Variants in LOXL2 observed in about 807,000 individuals in gnomAD.
LOXL2 encodes lysyl oxidase homolog 2.
In LOXL2, 70 loss-of-function variants were observed where a neutral mutation model predicts 93.0. That is an observed-to-expected ratio of 0.75 (90% confidence interval 0.62 to 0.92). LOXL2 has a LOEUF of 0.92. LOXL2 is among the 40% of genes least tolerant of loss of function. The probability of loss-of-function intolerance (pLI) is 0.00; values close to 1 mark genes in which losing one functional copy is unlikely to be tolerated. For synonymous variants in LOXL2, 438 were observed against 413.2 expected (o/e 1.06, Z -0.73); for missense variants, 973 against 1,054.9 (o/e 0.92, Z 1.08).
chr8:23,375,852 G>A (rs191912970), intron 1 of LOXL2, among the ~76,000 whole-genome samples: 171 of 152,266 alleles, frequency 1.1e-3, no homozygotes, highest in Non-Finnish European at 1.7e-3. Context: ...AGACGATGGG[G>A]TTTTCTAAAT....
chr8:23,394,280 C>A (rs1400962807), intron 1 of LOXL2, among the ~76,000 whole-genome samples: 1 of 151,736 alleles, frequency 6.6e-6, no homozygotes, highest in East Asian at 1.9e-4. Context: ...GTAGTCCCAG[C>A]TACTCGGGAG....
At position 23,316,993 on chromosome 8, in the gene LOXL2, G is replaced by C; in HGVS notation, c.1592C>G (p.Pro531Arg). The change falls in exon 9 of 14, where the codon CCC becomes CGC. Residue 531 changes from proline to arginine, a missense_variant. Coordinates refer to ENST00000389131, the MANE Select transcript of LOXL2 (RefSeq NM_002318.3). Reference sequence around the variant, plus strand: ...GGCCCCGTACTGCACTCCGCCCTGGGGGCAGGCCACGTCCTCCCCGTCGTG... The same window carrying C: ...GGCCCCGTACTGCACTCCGCCCTGGCGGCAGGCCACGTCCTCCCCGTCGTG... The part of the protein sequence containing the change: ...CRHDGEDVAC[P>R]QGGVQYGAGV... 6.2e-7 allele frequency: 1 copy of C among 1,614,020 alleles called. No individual in the cohort carries two copies. Among genetic ancestry groups the C allele is most frequent in the Non-Finnish European group, 8.5e-7 (1 of 1,179,956 alleles).
In LOXL2 at chr8:23,297,306, G is replaced by C. The variant is rs774037149; in HGVS notation, c.*737C>G. On this transcript the variant is annotated 3_prime_UTR_variant, in exon 14 of 14. Transcript: ENST00000389131. Reference sequence around the variant, plus strand: ...AGCACCGTTGAATCAAAAACCCACAGAATTGGAACAACAGGAAGATGAGTC... The same window carrying C: ...AGCACCGTTGAATCAAAAACCCACACAATTGGAACAACAGGAAGATGAGTC... 1 of 152,242 alleles carries C rather than the reference G, an allele frequency of 6.6e-6. No individual in the cohort carries two copies. Among genetic ancestry groups the C allele is most frequent in the Non-Finnish European group, 1.5e-5 (1 of 68,058 alleles). The allele number at this position is 152,242 out of a possible 1,614,324, so 9.4% of individuals were successfully genotyped here.
chr8:23,320,310 C>T (rs1803473785), intron 7 of LOXL2, among the ~76,000 whole-genome samples: 1 of 152,224 alleles, frequency 6.6e-6, no homozygotes, highest in Non-Finnish European at 1.5e-5. Flanking sequence ...GAAGCTGACC[C>T]TGCTCCCCAT....
chr8:23,387,387 G>C (rs951219448), intron 1 of LOXL2, among the ~76,000 whole-genome samples: 1 of 152,136 alleles, frequency 6.6e-6, no homozygotes, highest in African/African-American at 2.4e-5. Flanking sequence ...ATAAACATCA[G>C]GTGGGATCAG....
At chr8:23,332,923 G>C (rs537747550) in intron 5 of LOXL2, among the ~76,000 whole-genome samples, 24 of 147,448 alleles carry the variant, frequency 1.6e-4, no homozygotes, top group African/African-American at 6.0e-4. Context: ...CCACAGAGGG[G>C]GGGTGTTTCA....
At chr8:23,362,603 G>T (rs529762008) in intron 2 of LOXL2, among the ~76,000 whole-genome samples, 6 of 152,034 alleles carry the variant, frequency 3.9e-5, no homozygotes, top group Non-Finnish European at 8.8e-5. Context: ...GCATGGTGGC[G>T]CACGCCTGTA....
intron 1 of LOXL2, among the ~76,000 whole-genome samples, chr8:23,374,521 C>T (rs1463668055): frequency 1.3e-5 from 2 of 152,190 alleles, no homozygotes; most frequent in East Asian, 3.8e-4. Context: ...TGAGGAATCG[C>T]CACACTGTCT....
In LOXL2 at chr8:23,298,882, C is replaced by T; in HGVS notation, c.2199G>A (p.Arg733=). 6.2e-7 allele frequency: 1 copy of T among 1,614,060 alleles called. No homozygotes were observed. Among genetic ancestry groups the T allele is most frequent in the South Asian group, 1.1e-5 (1 of 91,068 alleles). Residue 733 remains arginine, a synonymous_variant, in exon 13 of 14, where the codon AGG becomes AGA. Coordinates refer to ENST00000389131, the MANE Select transcript of LOXL2 (RefSeq NM_002318.3). ...AGATGCGGTGGCCGTCATAGCGGCT[C>T]CTGCATTTCATGATGTTGTTGGAGT... The part of the protein sequence containing the change: ...SDYSNNIMKC[R]SRYDGHRIWM...
At chr8:23,367,042 TTTTTG>T (rs1308426108) in intron 2 of LOXL2, among the ~76,000 whole-genome samples, 1 of 151,922 alleles carries the variant, frequency 6.6e-6, no homozygotes, top group Non-Finnish European at 1.5e-5. Flanking sequence ...ATTTTTTGGG[TTTTTG>T]TTTTGTTTTT....
In LOXL2 at chr8:23,377,475, G is replaced by A. The variant is rs938628095; in HGVS notation, c.-83-9041C>T. ...TTAGGTCCGCTTGGTGCAGAGCTGA[G>A]TTCAATCCTGGATATCCTTGTTAAC... On this transcript the variant is annotated intron_variant, in intron 1 of 13. Transcript: ENST00000389131. Among the ~76,000 whole-genome samples the A allele has an allele frequency of 3.4e-4, 32 of 95,300 alleles. 1 individual carries two copies. The highest frequency in any genetic ancestry group is 4.9e-4 in the Non-Finnish European group (24 of 49,364). The allele number at this position is 95,300 out of a possible 152,430, so 62.5% of individuals were successfully genotyped here.
intron 12 of LOXL2, among the ~76,000 whole-genome samples, chr8:23,300,298 G>A (rs868412837): frequency 1.3e-5 from 2 of 152,250 alleles, no homozygotes; most frequent in Admixed American, 1.3e-4. Context: ...GACATCTCAC[G>A]AGGGCCTGCG....
chr8:23,299,047 G>C, intron 12 of LOXL2, 100 bp from the exon 13 acceptor site: 1 of 727,994 alleles, frequency 1.4e-6, no homozygotes, highest in Admixed American at 2.1e-5. Context: ...GAAGGGGAGC[G>C]TGGCAGGTGC....
chr8:23,401,508 T>C (rs933614096), intron 1 of LOXL2, among the ~76,000 whole-genome samples: 1 of 152,202 alleles, frequency 6.6e-6, no homozygotes, highest in Non-Finnish European at 1.5e-5. Flanking sequence ...TGCTTTAAAC[T>C]ACTTCAATGA....
At chr8:23,376,529 T>C (rs1233877419) in intron 1 of LOXL2, among the ~76,000 whole-genome samples, 1 of 152,214 alleles carries the variant, frequency 6.6e-6, no homozygotes, top group East Asian at 1.9e-4. Flanking sequence ...AGCTCCTCCT[T>C]GTACCTCTGG....
At chr8:23,307,811 G>C (rs371205425) in intron 10 of LOXL2, among the ~76,000 whole-genome samples, 11 of 152,210 alleles carry the variant, frequency 7.2e-5, no homozygotes, top group East Asian at 5.8e-4. Context: ...ACCTTCTTGG[G>C]CTAATTAGGA....
intron 10 of LOXL2, among the ~76,000 whole-genome samples, chr8:23,307,456 G>A (rs938895019): frequency 6.6e-6 from 1 of 152,126 alleles, no homozygotes; most frequent in African/African-American, 2.4e-5. Flanking sequence ...CAGGAAAAGT[G>A]GGGGAGCAGG....
At chr8:23,303,499 G>T in intron 10 of LOXL2, 102 bp from the exon 11 acceptor site, 1 of 700,552 alleles carries the variant, frequency 1.4e-6, no homozygotes, top group Non-Finnish European at 2.6e-6. Flanking sequence ...ACTTCCAGGG[G>T]ACCAGAGGGG....
At chr8:23,352,769 C>G (rs1393513540) in intron 3 of LOXL2, among the ~76,000 whole-genome samples, 1 of 151,890 alleles carries the variant, frequency 6.6e-6, no homozygotes, top group East Asian at 1.9e-4. Flanking sequence ...AGGTTCTCCC[C>G]TTGGGTGGAA....
Sources: gnomAD v4.1 joint callset for allele counts (sites outside exome capture counted in the v4.1 genomes callset) on GRCh38, gnomAD v4.1.1 for gene constraint, MANE v1.5 for transcripts, NCBI Gene and HGNC (gene_info 2026-07-23, HGNC 2026-07-21) for gene names.